The following CDH13 variants were observed in gnomAD, a reference collection of about 807,000 sequenced individuals.
CDH13 encodes cadherin-13.
Under a neutral mutation model 63.8 loss-of-function variants are expected in CDH13, and 24 were observed. The ratio of observed to expected loss-of-function variants is 0.38; its 90% confidence interval spans 0.27 to 0.53. The LOEUF (loss-of-function observed/expected upper bound fraction) is 0.53. CDH13 is among the 20% of genes least tolerant of loss of function. CDH13 has a pLI of 0.85. For synonymous variants in CDH13, 503 were observed against 355.3 expected (o/e 1.42, Z -4.67); for missense variants, 1,049 against 903.1 (o/e 1.16, Z -2.07).
intron 10 of CDH13, among the ~76,000 whole-genome samples, chr16:83,680,707 C>A (rs892741360): frequency 5.9e-5 from 9 of 152,136 alleles, no homozygotes; most frequent in Non-Finnish European, 8.8e-5. Context: ...GAGGATCTTC[C>A]TGTTTCTCTA....
At chr16:82,810,027 G>T (rs140437814) in intron 1 of CDH13, among the ~76,000 whole-genome samples, 3 of 152,260 alleles carry the variant, frequency 2.0e-5, no homozygotes, top group Admixed American at 1.3e-4. Context: ...GCCTGCCATC[G>T]CCCGGTGCCT....
intron 11 of CDH13, among the ~76,000 whole-genome samples, chr16:83,762,663 C>T (rs964822321): frequency 2.7e-4 from 41 of 152,310 alleles, no homozygotes; most frequent in Non-Finnish European, 3.1e-4. Flanking sequence ...GGAAAGGCAT[C>T]GTTGGCCGCT....
intron 1 of CDH13, among the ~76,000 whole-genome samples, chr16:82,783,232 G>A (rs550496865): frequency 4.1e-4 from 63 of 152,268 alleles, no homozygotes; most frequent in Admixed American, 7.2e-4. Context: ...GCCAAAGACC[G>A]CAAAGCTCCG....
At chr16:82,867,643 T>C (rs2040195757) in intron 2 of CDH13, among the ~76,000 whole-genome samples, 1 of 152,160 alleles carries the variant, frequency 6.6e-6, no homozygotes, top group Admixed American at 6.5e-5. Flanking sequence ...GTCATGGCTT[T>C]TGAGGGTGCT....
At chr16:83,383,840 G>A (rs2091619002) in intron 6 of CDH13, among the ~76,000 whole-genome samples, 1 of 152,196 alleles carries the variant, frequency 6.6e-6, no homozygotes, top group African/African-American at 2.4e-5. Context: ...TTTTCATGGA[G>A]GGTGGTCTTT....
chr16:83,761,986 G>C (rs145104116), intron 11 of CDH13, among the ~76,000 whole-genome samples: 1,681 of 152,254 alleles, frequency 0.011, 42 homozygotes, highest in African/African-American at 0.038. Context: ...AGAATCGCTT[G>C]ACCCTGGGAG....
chr16:82,686,483 C>G (rs754761429), intron 1 of CDH13, among the ~76,000 whole-genome samples: 1 of 152,148 alleles, frequency 6.6e-6, no homozygotes, highest in African/African-American at 2.4e-5. Context: ...AATGCAGGCT[C>G]GGCTTTTCCC....
chr16:82,875,634 A>G (rs2040479189), intron 2 of CDH13, among the ~76,000 whole-genome samples: 1 of 152,226 alleles, frequency 6.6e-6, no homozygotes, highest in Non-Finnish European at 1.5e-5. Flanking sequence ...ATAGTTTTCA[A>G]AAAGTTTAAA....
intron 4 of CDH13, among the ~76,000 whole-genome samples, chr16:83,190,887 C>A (rs928152629): frequency 1.3e-5 from 2 of 151,934 alleles, no homozygotes; most frequent in Non-Finnish European, 2.9e-5. Flanking sequence ...TTGATTGAAT[C>A]CTCTTTTGTT....
intron 3 of CDH13, among the ~76,000 whole-genome samples, chr16:83,039,396 T>C (rs1171989286): frequency 1.3e-5 from 2 of 152,204 alleles, no homozygotes; most frequent in Non-Finnish European, 2.9e-5. Context: ...TGTCACCTTC[T>C]CCAAGAGCCT....
chr16:82,822,500 T>C (rs1277593945), intron 1 of CDH13, among the ~76,000 whole-genome samples: 2 of 152,220 alleles, frequency 1.3e-5, no homozygotes, highest in Non-Finnish European at 2.9e-5. Context: ...GTTCCAGTTA[T>C]CTTTTTTCTT....
chr16:82,961,210 G>A (rs1906934802), intron 2 of CDH13, among the ~76,000 whole-genome samples: 1 of 152,138 alleles, frequency 6.6e-6, no homozygotes, highest in South Asian at 2.1e-4. Flanking sequence ...AGATGAAGTG[G>A]GACTTCCCAC....
intron 1 of CDH13, among the ~76,000 whole-genome samples, chr16:82,852,562 CTAAAATTG>C (rs1254824221): frequency 1.1e-4 from 17 of 152,258 alleles, no homozygotes; most frequent in African/African-American, 3.9e-4. Context: ...AGTCACATGT[CTAAAATTG>C]TAATGGAGCA....
At chr16:82,950,783 C>T (rs1285435177) in intron 2 of CDH13, among the ~76,000 whole-genome samples, 1 of 149,950 alleles carries the variant, frequency 6.7e-6, no homozygotes, top group South Asian at 2.1e-4. Flanking sequence ...CAAATAAAGT[C>T]ACTGAGAGTT....
At chr16:82,895,221 C>A (rs2041212023) in intron 2 of CDH13, among the ~76,000 whole-genome samples, 2 of 152,154 alleles carry the variant, frequency 1.3e-5, no homozygotes, top group South Asian at 4.1e-4. Context: ...CTACCTCCAG[C>A]CCTTGACATC....
At chr16:82,710,773 G>A (rs1580267) in intron 1 of CDH13, among the ~76,000 whole-genome samples, 50,292 of 146,138 alleles carry the variant, frequency 0.34, 9,902 homozygotes, top group East Asian at 0.58. Flanking sequence ...ATATATAAAA[G>A]TATATTTATA....
At chr16:83,593,804 C>G (rs560803702) in intron 7 of CDH13, among the ~76,000 whole-genome samples, 2 of 152,230 alleles carry the variant, frequency 1.3e-5, no homozygotes, top group South Asian at 2.1e-4. Context: ...CCCCTGATCT[C>G]AAGAAGCTCG....
chr16:83,584,431 A>G (rs2150727101), intron 7 of CDH13, among the ~76,000 whole-genome samples: 1 of 152,344 alleles, frequency 6.6e-6, no homozygotes, highest in East Asian at 1.9e-4. Flanking sequence ...GATGTAATAT[A>G]TGCTACAAGG....
chr16:83,506,832 C>G (rs1014846340), intron 7 of CDH13, among the ~76,000 whole-genome samples: 1 of 152,150 alleles, frequency 6.6e-6, no homozygotes, highest in Non-Finnish European at 1.5e-5. Flanking sequence ...TAATAGCCAG[C>G]ATCAATTCTT....
Sources: allele counts gnomAD v4.1 joint callset (sites outside exome capture counted in the v4.1 genomes callset), GRCh38; gene constraint gnomAD v4.1.1; transcripts MANE v1.5; gene names NCBI Gene and HGNC (gene_info 2026-07-23, HGNC 2026-07-21).